Variants in GLIS3 observed in about 807,000 individuals in gnomAD.
GLIS3 encodes zinc finger protein GLIS3.
In GLIS3, 53 loss-of-function variants were observed where a neutral mutation model predicts 78.6. The observed-to-expected ratio is 0.67, with a 90% CI of 0.54 to 0.85. The LOEUF is 0.85. GLIS3 is among the 40% of genes least tolerant of loss of function. The pLI is 0.00. For missense variants in GLIS3, 1,703 were observed against 1,231.1 expected (o/e 1.38, Z -5.74); for synonymous variants, 684 against 509.9 (o/e 1.34, Z -4.60).
chr9:3,978,965 G>T (rs1563913986), intron 4 of GLIS3, among the ~76,000 whole-genome samples: 1 of 152,064 alleles, frequency 6.6e-6, no homozygotes, highest in Non-Finnish European at 1.5e-5. Context: ...ATAATCTAGA[G>T]ATTATCTGAT....
the GLIS3 span, among the ~76,000 whole-genome samples, chr9:4,457,279 T>G: frequency 2.0e-5 from 3 of 151,966 alleles, no homozygotes. Context: ...GAGGATCATT[T>G]GAGCCCAGCA....
rs1818077821 is a variant in GLIS3 at position 3,832,094 on chromosome 9, C to A, written c.2474-2602G>T. On this transcript the variant is annotated intron_variant, in intron 9 of 10. Transcript: ENST00000381971. ...CAAATTACTTAGCTTCTTGGTGCCT[C>A]AGTTTTCCAATTTGTAAAATCAGGT... Among the ~76,000 whole-genome samples, 4 of 151,542 alleles carry A rather than the reference C, an allele frequency of 2.6e-5. No homozygotes were observed. In the South Asian group the frequency reaches 8.3e-4, roughly 32 times the overall value.
intron 1 of GLIS3, among the ~76,000 whole-genome samples, chr9:4,287,484 T>C (rs1029306557): frequency 2.6e-5 from 4 of 152,162 alleles, no homozygotes; most frequent in Non-Finnish European, 4.4e-5. Context: ...CCAAAATGTA[T>C]GCGATGAGGT....
chr9:4,483,973 T>TAGA, the GLIS3 span, among the ~76,000 whole-genome samples: 1 of 152,190 alleles, frequency 6.6e-6, no homozygotes, highest in Non-Finnish European at 1.5e-5. Context: ...CCAAGTGAAT[T>TAGA]AGTTTGGGCC....
At chr9:4,275,603 TAAAAAAAAA>T (rs535182029) in intron 2 of GLIS3, among the ~76,000 whole-genome samples, 1 of 139,392 alleles carries the variant, frequency 7.2e-6, no homozygotes. Flanking sequence ...CTACAAAAAT[TAAAAAAAAA>T]AAAAGCCAGG....
At chr9:3,837,350 G>A (rs907526155) in intron 9 of GLIS3, among the ~76,000 whole-genome samples, 6 of 152,238 alleles carry the variant, frequency 3.9e-5, no homozygotes, top group Non-Finnish European at 8.8e-5. Context: ...CACTTTAGAA[G>A]ACAGGTTGGC....
chr9:4,143,482 G>A (rs1178487937), intron 2 of GLIS3, among the ~76,000 whole-genome samples: 3 of 151,902 alleles, frequency 2.0e-5, no homozygotes, highest in Non-Finnish European at 2.9e-5. Context: ...CAGGAGAATT[G>A]CTTGAACCCA....
intron 4 of GLIS3, among the ~76,000 whole-genome samples, chr9:4,009,406 A>G (rs1364584247): frequency 6.6e-6 from 1 of 152,126 alleles, no homozygotes; most frequent in African/African-American, 2.4e-5. Flanking sequence ...GCCAGCTGCC[A>G]CTCAAGAAGA....
At chr9:4,183,570 CT>C (rs1817517518) in intron 2 of GLIS3, among the ~76,000 whole-genome samples, 2 of 152,150 alleles carry the variant, frequency 1.3e-5, no homozygotes, top group Admixed American at 6.6e-5. Context: ...GCTGTGTGAC[CT>C]TATAAAGTCC....
intron 6 of GLIS3, among the ~76,000 whole-genome samples, chr9:3,906,819 A>G (rs975342159): frequency 2.0e-5 from 3 of 152,204 alleles, no homozygotes; most frequent in African/African-American, 7.2e-5. Context: ...AAGCACCTCC[A>G]TACTGTGACT....
chr9:4,397,683 AGGGAGGGAGGG>A, the GLIS3 span, among the ~76,000 whole-genome samples: 1 of 4,324 alleles, frequency 2.3e-4, no homozygotes, highest in Non-Finnish European at 1.4e-3. Flanking sequence ...GGAGGAAGGG[AGGGAGGGAGGG>A]AGGGAGGGAG....
At chr9:4,231,723 C>A (rs902040274) in intron 2 of GLIS3, among the ~76,000 whole-genome samples, 3 of 152,174 alleles carry the variant, frequency 2.0e-5, no homozygotes. Flanking sequence ...TTATGACCAA[C>A]TAAGTATTAT....
chr9:4,194,298 A>C (rs1010975869), intron 2 of GLIS3, among the ~76,000 whole-genome samples: 3 of 152,114 alleles, frequency 2.0e-5, no homozygotes, highest in Non-Finnish European at 2.9e-5. Flanking sequence ...GAGCTCAGGC[A>C]ATCTGCCCAC....
chr9:4,086,238 G>C (rs1045858534), intron 4 of GLIS3, among the ~76,000 whole-genome samples: 1 of 152,144 alleles, frequency 6.6e-6, no homozygotes, highest in Non-Finnish European at 1.5e-5. Flanking sequence ...CCTCAGTCTA[G>C]TGAAATCCTC....
intron 4 of GLIS3, among the ~76,000 whole-genome samples, chr9:4,051,180 A>G (rs145599097): frequency 6.6e-6 from 1 of 152,338 alleles, no homozygotes; most frequent in African/African-American, 2.4e-5. Flanking sequence ...AGAGCAGACT[A>G]AGCCTCTCTT....
intron 2 of GLIS3, among the ~76,000 whole-genome samples, chr9:4,214,108 T>C (rs560243382): frequency 6.4e-4 from 97 of 152,324 alleles, no homozygotes; most frequent in Non-Finnish European, 1.2e-3. Flanking sequence ...CTGCCCAGCA[T>C]AGGCTGCATT....
intron 2 of GLIS3, among the ~76,000 whole-genome samples, chr9:4,278,218 T>C (rs1048140671): frequency 5.9e-5 from 9 of 152,214 alleles, no homozygotes; most frequent in African/African-American, 2.2e-4. Flanking sequence ...TTCTCTAATA[T>C]ATTTCCTAAC....
chr9:3,937,740 C>G (rs907766649), intron 4 of GLIS3, among the ~76,000 whole-genome samples: 3 of 152,102 alleles, frequency 2.0e-5, no homozygotes, highest in East Asian at 3.9e-4. Flanking sequence ...TTCCAACCCT[C>G]AAAAGAGTGA....
At chr9:3,867,350 G>A (rs1329959531) in intron 8 of GLIS3, among the ~76,000 whole-genome samples, 1 of 152,194 alleles carries the variant, frequency 6.6e-6, no homozygotes, top group Non-Finnish European at 1.5e-5. Context: ...GTGTACATGT[G>A]ACTTCCAGGA....
Sources: allele counts gnomAD v4.1 joint callset (sites outside exome capture counted in the v4.1 genomes callset), GRCh38; gene constraint gnomAD v4.1.1; transcripts MANE v1.5; gene names NCBI Gene and HGNC (gene_info 2026-07-23, HGNC 2026-07-21).